CNTN4: variants seen among roughly 807,000 people sequenced by gnomAD.
CNTN4 encodes the protein contactin-4.
A neutral mutation model predicts 122.5 loss-of-function variants in CNTN4; 77 were observed. The observed-to-expected ratio is 0.63, with a 90% confidence interval of 0.52 to 0.76. The LOEUF (loss-of-function observed/expected upper bound fraction) is 0.76. Among genes scored for constraint, CNTN4 ranks in the 30% least tolerant of loss-of-function variants. The pLI, the probability that CNTN4 is intolerant of heterozygous loss-of-function variation, is 0.00. For missense variants in CNTN4, 1,256 were observed against 1,259.1 expected, an observed-to-expected ratio of 1.00 and a Z score of 0.04; for synonymous variants, 512 against 447.0, an observed-to-expected ratio of 1.15 and a Z score of -1.83.
At chr3:2,692,314 G>T (rs914222929) in intron 4 of CNTN4, among the ~76,000 whole-genome samples, 2 of 152,032 alleles carry the variant, frequency 1.3e-5, no homozygotes, top group African/African-American at 4.8e-5. Flanking sequence ...TACAGTGCCC[G>T]GTGCTTTACC....
chr3:2,450,171 CT>C (rs1203791163), intron 3 of CNTN4, among the ~76,000 whole-genome samples: 2 of 151,996 alleles, frequency 1.3e-5, no homozygotes, highest in African/African-American at 4.8e-5. Flanking sequence ...ATTTGAGACC[CT>C]CCTGGCAATA....
intron 4 of CNTN4, among the ~76,000 whole-genome samples, chr3:2,673,036 T>G (rs2084626130): frequency 6.6e-6 from 1 of 152,262 alleles, no homozygotes; most frequent in African/African-American, 2.4e-5. Context: ...AATATTTTTG[T>G]ACTTGTCTAA....
At chr3:2,211,795 A>G (rs1466422675) in intron 2 of CNTN4, among the ~76,000 whole-genome samples, 1 of 152,186 alleles carries the variant, frequency 6.6e-6, no homozygotes, top group Non-Finnish European at 1.5e-5. Context: ...AAATTATTTA[A>G]CAAGCATTTA....
In CNTN4 at chr3:2,128,160, T is replaced by C. The variant is rs115465122; in HGVS notation, c.-145+27521T>C. Among the ~76,000 whole-genome samples, 309 of 152,326 alleles carry C rather than the reference T, an allele frequency of 2.0e-3. 2 individuals carry two copies. The highest frequency in any genetic ancestry group is 3.1e-3 in the Non-Finnish European group (212 of 68,024). ...GCTTTATCTGCTTGCAGATAATTTG[T>C]GGCTTATTTTTAACCGTCTGCCAGT... On this transcript the variant is annotated intron_variant, in intron 2 of 24. Transcript: ENST00000418658.
intron 3 of CNTN4, among the ~76,000 whole-genome samples, chr3:2,523,380 T>G (rs953126285): frequency 2.7e-5 from 4 of 150,178 alleles, no homozygotes; most frequent in African/African-American, 9.8e-5. Context: ...AAACAAAACT[T>G]TTTTCTATTT....
At chr3:2,641,977 G>A (rs895650769) in intron 4 of CNTN4, among the ~76,000 whole-genome samples, 4 of 152,130 alleles carry the variant, frequency 2.6e-5, no homozygotes, top group East Asian at 3.8e-4. Flanking sequence ...GACATCCTCC[G>A]TATTAGTCAG....
At chr3:2,640,604 C>T (rs1187328162) in intron 4 of CNTN4, among the ~76,000 whole-genome samples, 1 of 151,902 alleles carries the variant, frequency 6.6e-6, no homozygotes, top group Admixed American at 6.6e-5. Flanking sequence ...TAACTGGACA[C>T]AAGAACAGCT....
intron 2 of CNTN4, among the ~76,000 whole-genome samples, chr3:2,139,521 A>G (rs2034885660): frequency 6.6e-6 from 1 of 152,200 alleles, no homozygotes; most frequent in African/African-American, 2.4e-5. Flanking sequence ...CTTTGCAAAG[A>G]TATAACATAA....
intron 2 of CNTN4, chr3:2,132,559 AG>A (rs772008712): frequency 6.6e-6 from 1 of 152,250 alleles, no homozygotes; most frequent in African/African-American, 2.4e-5. Context: ...ATATCCTCAG[AG>A]GTTTCATTAC....
chr3:2,236,964 T>C (rs1264487197), intron 2 of CNTN4, among the ~76,000 whole-genome samples: 1 of 152,182 alleles, frequency 6.6e-6, no homozygotes, highest in Non-Finnish European at 1.5e-5. Context: ...GAACTGAAAC[T>C]TCTTCAGTGT....
intron 8 of CNTN4, among the ~76,000 whole-genome samples, chr3:2,874,273 A>G (rs958552935): frequency 6.6e-6 from 1 of 152,224 alleles, no homozygotes; most frequent in Non-Finnish European, 1.5e-5. Context: ...CACACTATGA[A>G]ATAAAAAGAC....
At chr3:2,635,455 G>A (rs1162704445) in intron 4 of CNTN4, among the ~76,000 whole-genome samples, 7 of 152,144 alleles carry the variant, frequency 4.6e-5, no homozygotes, top group African/African-American at 1.7e-4. Context: ...TGCTGTTTGT[G>A]TATATCTACA....
At chr3:2,929,124 T>C (rs568899140) in intron 13 of CNTN4, among the ~76,000 whole-genome samples, 3 of 152,304 alleles carry the variant, frequency 2.0e-5, no homozygotes, top group African/African-American at 2.4e-5. Flanking sequence ...ACATTTCTTA[T>C]TGTCTTGTGT....
chr3:2,264,710 C>T (rs1026704316), intron 2 of CNTN4, among the ~76,000 whole-genome samples: 10 of 152,026 alleles, frequency 6.6e-5, no homozygotes, highest in African/African-American at 2.4e-4. Flanking sequence ...TTTTTTGAGA[C>T]CAATGTTCTG....
intron 6 of CNTN4, among the ~76,000 whole-genome samples, chr3:2,781,267 A>G (rs533452832): frequency 1.3e-5 from 2 of 152,334 alleles, no homozygotes; most frequent in East Asian, 1.9e-4. Context: ...TCCTTTTGAA[A>G]CTATGGAGAA....
At chr3:3,002,674 C>T (rs1381348795) in intron 14 of CNTN4, among the ~76,000 whole-genome samples, 1 of 152,044 alleles carries the variant, frequency 6.6e-6, no homozygotes, top group Non-Finnish European at 1.5e-5. Flanking sequence ...AAATGAAGTC[C>T]CCTTCTAATT....
chr3:2,321,059 A>G (rs1189940729), intron 2 of CNTN4, among the ~76,000 whole-genome samples: 1 of 152,150 alleles, frequency 6.6e-6, no homozygotes, highest in Non-Finnish European at 1.5e-5. Flanking sequence ...GGGTGGCTGA[A>G]TTCTCAGAGT....
At chr3:2,958,866 T>C (rs767927706) in intron 13 of CNTN4, among the ~76,000 whole-genome samples, 6 of 152,198 alleles carry the variant, frequency 3.9e-5, no homozygotes, top group Non-Finnish European at 8.8e-5. Flanking sequence ...TTTTATGAAC[T>C]TATGGATCCC....
intron 4 of CNTN4, among the ~76,000 whole-genome samples, chr3:2,674,185 A>T (rs928003416): frequency 6.6e-6 from 1 of 152,252 alleles, no homozygotes; most frequent in Non-Finnish European, 1.5e-5. Context: ...CATACAATCC[A>T]TATGCCTCAT....
Sources: gnomAD v4.1 joint callset for allele counts (sites outside exome capture counted in the v4.1 genomes callset) on GRCh38, gnomAD v4.1.1 for gene constraint, MANE v1.5 for transcripts, NCBI Gene and HGNC (gene_info 2026-07-23, HGNC 2026-07-21) for gene names.